Variants in COL22A1 observed in about 807,000 individuals in gnomAD.
The protein encoded by COL22A1 is collagen type XXII alpha 1 chain, also known as collagen alpha-1(XXII) chain.
Under a neutral mutation model 248.9 loss-of-function variants are expected in COL22A1, and 221 were observed. The ratio of observed to expected loss-of-function variants is 0.89; its 90% confidence interval spans 0.80 to 0.99. The LOEUF (loss-of-function observed/expected upper bound fraction) is 0.99, where lower values mean the gene tolerates loss of function less well. Ranked by LOEUF, COL22A1 falls within the 50% of genes least tolerant of loss-of-function variation. COL22A1 has a pLI of 0.00. For missense variants in COL22A1, 2,240 were observed against 2,179.0 expected (o/e 1.03, Z -0.56); for synonymous variants, 891 against 793.4 (o/e 1.12, Z -2.07).
In COL22A1 at chr8:138,715,701, T is replaced by C. The variant is rs1829379061; in HGVS notation, c.2498A>G (p.Lys833Arg). The change falls in exon 30 of 65, where the codon AAA becomes AGA. Residue 833 changes from lysine (K) to arginine (R), a missense_variant. Transcript: ENST00000303045. ...EKGELGLPGLKGDRGEKGEAG... is the reference protein window; with the variant it reads ...EKGELGLPGLRGDRGEKGEAG... ...TCCTACCTTTTCACCTCGGTCACCT[T>C]TCAGTCCTGGAAGTCCCAGTTCACC... The C allele has an allele frequency of 1.2e-6, 2 of 1,612,742 alleles. No individual in the cohort carries two copies. Among genetic ancestry groups the C allele is most frequent in the African/African-American group, 1.3e-5 (1 of 74,854 alleles).
At chr8:138,881,005 G>T (rs979517116) in intron 2 of COL22A1, among the ~76,000 whole-genome samples, 4 of 152,248 alleles carry the variant, frequency 2.6e-5, no homozygotes, top group African/African-American at 9.6e-5. Flanking sequence ...GTGGAGAGAA[G>T]AGATCTGAAC....
chr8:138,846,524 C>T (rs1254683009), intron 3 of COL22A1, among the ~76,000 whole-genome samples: 3 of 152,170 alleles, frequency 2.0e-5, no homozygotes, highest in African/African-American at 7.2e-5. Flanking sequence ...CACTAAGCCT[C>T]ACACATTCAC....
chr8:138,868,966 A>G (rs2131998436), intron 3 of COL22A1, among the ~76,000 whole-genome samples: 1 of 152,312 alleles, frequency 6.6e-6, no homozygotes, highest in African/African-American at 2.4e-5. Context: ...TCCTGACCTC[A>G]GGTGATCCAC....
chr8:138,882,370 ACT>A (rs1466390231), intron 2 of COL22A1, among the ~76,000 whole-genome samples: 2 of 150,194 alleles, frequency 1.3e-5, no homozygotes, highest in Admixed American at 6.7e-5. Context: ...AAACTCACAC[ACT>A]CTCACACTCC....
intron 52 of COL22A1, chr8:138,620,345 C>A (rs1819684687): frequency 1.3e-5 from 2 of 151,794 alleles, no homozygotes; most frequent in South Asian, 4.2e-4. Flanking sequence ...AAGTTTTAAA[C>A]CTTGGAAATC....
At chr8:138,770,072 T>C (rs1834237045) in intron 16 of COL22A1, among the ~76,000 whole-genome samples, 1 of 152,112 alleles carries the variant, frequency 6.6e-6, no homozygotes, top group South Asian at 2.1e-4. Context: ...CCAGAGCTTG[T>C]CTAAGGTACC....
intron 45 of COL22A1, among the ~76,000 whole-genome samples, chr8:138,652,750 T>TTTTTTG: frequency 8.7e-6 from 1 of 114,626 alleles, no homozygotes; most frequent in Non-Finnish European, 1.8e-5. Flanking sequence ...TTTTTTTTTT[T>TTTTTTG]TTTTTTTTTT....
intron 49 of COL22A1, among the ~76,000 whole-genome samples, chr8:138,633,873 T>C (rs568400094): frequency 6.6e-6 from 1 of 152,164 alleles, no homozygotes; most frequent in African/African-American, 2.4e-5. Context: ...CCTTCACAAA[T>C]GTGCACATGG....
chr8:138,653,690 T>C (rs1050118540), intron 45 of COL22A1, among the ~76,000 whole-genome samples: 4 of 152,126 alleles, frequency 2.6e-5, no homozygotes, highest in African/African-American at 9.7e-5. Context: ...CAGAAAGAGA[T>C]ATATGAAGTT....
chr8:138,755,300 A>G, intron 20 of COL22A1, 90 bp from the exon 21 acceptor site: 1 of 1,424,536 alleles, frequency 7.0e-7, no homozygotes, highest in Admixed American at 1.7e-5. Context: ...CCTGACTCAA[A>G]GTTTACTTTC....
intron 1 of COL22A1, among the ~76,000 whole-genome samples, chr8:138,896,956 G>C (rs1053229810): frequency 1.4e-5 from 2 of 144,008 alleles, no homozygotes; most frequent in Admixed American, 7.4e-5. Context: ...CTGGGTGACA[G>C]AGAGAGACTC....
intron 21 of COL22A1, among the ~76,000 whole-genome samples, chr8:138,752,156 A>G (rs1832659084): frequency 1.3e-5 from 2 of 152,146 alleles, no homozygotes; most frequent in Non-Finnish European, 2.9e-5. Flanking sequence ...GCAGTTATGA[A>G]TGGGTTCTAA....
At chr8:138,868,422 T>C (rs1823065680) in intron 3 of COL22A1, among the ~76,000 whole-genome samples, 1 of 152,140 alleles carries the variant, frequency 6.6e-6, no homozygotes, top group Non-Finnish European at 1.5e-5. Context: ...ATAATACATG[T>C]ATGGTATTGC....
chr8:138,608,568 G>C (rs1022662076), intron 56 of COL22A1, among the ~76,000 whole-genome samples: 5 of 152,178 alleles, frequency 3.3e-5, no homozygotes, highest in Admixed American at 3.3e-4. Flanking sequence ...CAGGACTGAG[G>C]CTTCCAAGTC....
At chr8:138,618,987 T>C (rs996505302) in intron 53 of COL22A1, among the ~76,000 whole-genome samples, 2 of 152,130 alleles carry the variant, frequency 1.3e-5, no homozygotes, top group Non-Finnish European at 2.9e-5. Flanking sequence ...ACTTTACTTC[T>C]TTGTTATAGA....
Position 138,796,856 on chromosome 8 carries a change from C to T in COL22A1, c.1559G>A (p.Gly520Asp), listed in dbSNP as rs867690283. Residue 520 changes from glycine to aspartate, a missense_variant and splice_region_variant, in exon 12 of 65, where the codon GGC becomes GAC. By Grantham distance (94) the Gly-to-Asp change is moderately conservative. Coordinates refer to ENST00000303045, the MANE Select transcript of COL22A1 (RefSeq NM_152888.3). ...PGPKGEKGDVGIGPFGQGEKG... is the reference protein window; with the variant it reads ...PGPKGEKGDVDIGPFGQGEKG... ...TTCCCCTTGGCCAAAAGGTCCTATGCCCTAGAAAAATGAAAGAAGGCAAAG... is the reference window on the plus strand; with the variant it reads ...TTCCCCTTGGCCAAAAGGTCCTATGTCCTAGAAAAATGAAAGAAGGCAAAG... 1 of 1,596,784 alleles carries T rather than the reference C, an allele frequency of 6.3e-7. No homozygotes were observed. The highest frequency in any genetic ancestry group is 1.3e-5 in the African/African-American group (1 of 74,522).
intron 30 of COL22A1, among the ~76,000 whole-genome samples, chr8:138,715,070 T>C (rs1358007364): frequency 6.6e-6 from 1 of 152,282 alleles, no homozygotes; most frequent in African/African-American, 2.4e-5. Flanking sequence ...GCTCAGGCAG[T>C]GCTTGCATGT....
intron 41 of COL22A1, among the ~76,000 whole-genome samples, chr8:138,667,710 TAAAG>T (rs534881572): frequency 4.3e-4 from 66 of 152,178 alleles, no homozygotes; most frequent in African/African-American, 1.5e-3. Flanking sequence ...TTCCAGCTAA[TAAAG>T]AAAGAATGAA....
In COL22A1 at chr8:138,607,390, T is replaced by C. The variant is rs543892810; in HGVS notation, c.4032+546A>G. Among the ~76,000 whole-genome samples, 13 of 152,266 alleles carry C rather than the reference T, an allele frequency of 8.5e-5. No individual in the cohort carries two copies. In the South Asian group the frequency reaches 2.7e-3, roughly 32 times the overall value. ...CATTAAAGAACCATCTTCCCCACCA[T>C]GTCTCCCCACCTACCAGGACTGAAC... On this transcript the variant is annotated intron_variant, in intron 57 of 64. Transcript: ENST00000303045.
Sources: gnomAD v4.1 joint callset for allele counts (sites outside exome capture counted in the v4.1 genomes callset) on GRCh38, gnomAD v4.1.1 for gene constraint, MANE v1.5 for transcripts, NCBI Gene and HGNC (gene_info 2026-07-23, HGNC 2026-07-21) for gene names.